Variants in PRKN observed in about 807,000 individuals in gnomAD.
The protein encoded by PRKN is parkin RBR E3 ubiquitin protein ligase.
A neutral mutation model predicts 59.5 loss-of-function variants in PRKN; 56 were observed. The ratio of observed to expected loss-of-function variants is 0.94; its 90% CI spans 0.76 to 1.18. The LOEUF is 1.18. Ranked by LOEUF, PRKN falls within the 50% of genes most tolerant of loss-of-function variation. The pLI is 0.00. For synonymous variants in PRKN, 250 were observed against 222.1 expected (o/e 1.13, Z -1.12); for missense variants, 657 against 596.4 (o/e 1.10, Z -1.06).
intron 6 of PRKN, among the ~76,000 whole-genome samples, chr6:161,832,695 G>T (rs1033507993): frequency 2.0e-5 from 3 of 150,930 alleles, no homozygotes; most frequent in Non-Finnish European, 4.4e-5. Flanking sequence ...CGATCCCTAA[G>T]GCCTCCATGG....
intron 1 of PRKN, among the ~76,000 whole-genome samples, chr6:162,678,101 T>C (rs910083991): frequency 1.4e-4 from 22 of 152,266 alleles, no homozygotes; most frequent in South Asian, 2.1e-4. Context: ...CACAATGATT[T>C]TGAAAATCAT....
intron 2 of PRKN, among the ~76,000 whole-genome samples, chr6:162,304,276 T>C (rs916652689): frequency 2.0e-5 from 3 of 150,736 alleles, no homozygotes; most frequent in African/African-American, 7.3e-5. Context: ...TTATTTATGC[T>C]GTTTTTTTCT....
At chr6:162,655,134 T>G (rs1393748240) in intron 1 of PRKN, among the ~76,000 whole-genome samples, 1 of 152,144 alleles carries the variant, frequency 6.6e-6, no homozygotes, top group Non-Finnish European at 1.5e-5. Flanking sequence ...CATAATTTAT[T>G]ATTACAATAT....
chr6:161,666,164 A>G (rs934818741), intron 7 of PRKN, among the ~76,000 whole-genome samples: 1 of 152,084 alleles, frequency 6.6e-6, no homozygotes, highest in Non-Finnish European at 1.5e-5. Context: ...AACCCACTAC[A>G]GGGCAGGGGG....
chr6:161,978,872 G>C (rs527981481), intron 5 of PRKN, among the ~76,000 whole-genome samples: 1 of 152,324 alleles, frequency 6.6e-6, no homozygotes, highest in South Asian at 2.1e-4. Context: ...AGAGTATTCT[G>C]GGGGAGCAGC....
At chr6:161,700,515 A>G (rs1483200939) in intron 7 of PRKN, among the ~76,000 whole-genome samples, 1 of 152,094 alleles carries the variant, frequency 6.6e-6, no homozygotes, top group Non-Finnish European at 1.5e-5. Context: ...CTGATTAGGG[A>G]CCTGATGTAT....
intron 1 of PRKN, among the ~76,000 whole-genome samples, chr6:162,581,217 G>C (rs1780778023): frequency 6.6e-6 from 1 of 152,220 alleles, no homozygotes; most frequent in African/African-American, 2.4e-5. Flanking sequence ...GTTAAGTGAA[G>C]GTCAAAAGAG....
In PRKN at chr6:161,499,407, G is replaced by A. The variant is rs1215607409; in HGVS notation, c.1083+49447C>T. Among the ~76,000 whole-genome samples, 1 of 152,158 alleles carries A rather than the reference G, an allele frequency of 6.6e-6. No homozygotes were observed. The highest frequency in any genetic ancestry group is 1.5e-5 in the Non-Finnish European group (1 of 68,032). Reference sequence around the variant, plus strand: ...TAAGAGAAAGAGTGTATTTCTTTGTGGAGTGCATAATTCTCCTAAGTATGA... The same window carrying A: ...TAAGAGAAAGAGTGTATTTCTTTGTAGAGTGCATAATTCTCCTAAGTATGA... On this transcript the variant is annotated intron_variant, in intron 9 of 11. Coordinates refer to ENST00000366898, the MANE Select transcript of PRKN (RefSeq NM_004562.3). The surrounding 1 kb of genome is among the most constrained non-coding windows in gnomAD (Gnocchi z 4.2).
intron 6 of PRKN, among the ~76,000 whole-genome samples, chr6:161,947,182 G>T (rs1044212962): frequency 6.6e-6 from 1 of 152,010 alleles, no homozygotes; most frequent in South Asian, 2.1e-4. Flanking sequence ...TACCTTTATA[G>T]ATATTTTTAC....
At chr6:162,107,665 G>A (rs1158428561) in intron 4 of PRKN, among the ~76,000 whole-genome samples, 1 of 152,138 alleles carries the variant, frequency 6.6e-6, no homozygotes, top group Non-Finnish European at 1.5e-5. Context: ...TATCACTAGG[G>A]TGTCTCCTCA....
intron 1 of PRKN, among the ~76,000 whole-genome samples, chr6:162,614,296 G>T (rs1189635476): frequency 2.0e-5 from 3 of 152,028 alleles, no homozygotes; most frequent in Admixed American, 2.0e-4. Flanking sequence ...AAATGAGAAG[G>T]GTAAGTCATG....
chr6:161,739,339 T>C (rs1416702119), intron 7 of PRKN, among the ~76,000 whole-genome samples: 1 of 152,068 alleles, frequency 6.6e-6, no homozygotes, highest in African/African-American at 2.4e-5. Context: ...ACCTGGGAGA[T>C]GGAGGTTGCG....
At chr6:161,974,081 A>G (rs1302584820) in intron 5 of PRKN, among the ~76,000 whole-genome samples, 2 of 152,200 alleles carry the variant, frequency 1.3e-5, no homozygotes, top group South Asian at 2.1e-4. Context: ...AGCCTGGCCA[A>G]TGTGGCGAAA....
chr6:162,662,349 A>AT (rs1042224645), intron 1 of PRKN, among the ~76,000 whole-genome samples: 4 of 150,546 alleles, frequency 2.7e-5, no homozygotes, highest in African/African-American at 9.8e-5. Context: ...TAGCTTGCAA[A>AT]TTTTTTTTCC....
At chr6:162,491,208 T>C (rs1388122505) in intron 1 of PRKN, among the ~76,000 whole-genome samples, 1 of 148,080 alleles carries the variant, frequency 6.8e-6, no homozygotes, top group African/African-American at 2.5e-5. Context: ...AGATGGAGGC[T>C]GCAGTGAGCT....
At chr6:162,479,849 G>A (rs898596140) in intron 1 of PRKN, among the ~76,000 whole-genome samples, 6 of 151,486 alleles carry the variant, frequency 4.0e-5, no homozygotes, top group South Asian at 2.1e-4. Flanking sequence ...GGCAGATCAC[G>A]AGGTCAAGAG....
In PRKN at chr6:161,483,879, A is replaced by T. The variant is rs1344121387; in HGVS notation, c.1083+64975T>A. Among the ~76,000 whole-genome samples the T allele has an allele frequency of 1.3e-5, 2 of 152,226 alleles. No homozygotes were observed. Among genetic ancestry groups the T allele is most frequent in the Admixed American group, 6.5e-5 (1 of 15,280 alleles). ...GAACAAGACCATATCCTTTGCAGGG[A>T]CATGGATGAAGCTGGAAACCGTTAT... On this transcript the variant is annotated intron_variant, in intron 9 of 11. Transcript: ENST00000366898. This position sits in a 1 kb window ranked among gnomAD's most constrained non-coding sequence, Gnocchi z 5.0.
chr6:162,550,017 G>A (rs376190732), intron 1 of PRKN, among the ~76,000 whole-genome samples: 2 of 152,242 alleles, frequency 1.3e-5, no homozygotes, highest in South Asian at 2.1e-4. Flanking sequence ...ATGTCTCACC[G>A]TTTGTCTGGT....
intron 6 of PRKN, among the ~76,000 whole-genome samples, chr6:161,837,589 AC>A (rs1378898318): frequency 8.6e-5 from 13 of 151,732 alleles, no homozygotes; most frequent in South Asian, 6.2e-4. Context: ...AAAAAAAAAA[AC>A]AACCCATACA....
Sources: gnomAD v4.1 joint callset for allele counts (sites outside exome capture counted in the v4.1 genomes callset) on GRCh38, gnomAD v4.1.1 for gene constraint, Gnocchi (gnomAD v3.1) non-coding constraint, MANE v1.5 for transcripts, NCBI Gene and HGNC (gene_info 2026-07-23, HGNC 2026-07-21) for gene names.